Variants in AKAP8L observed in about 807,000 individuals in gnomAD.
The protein encoded by AKAP8L is A-kinase anchoring protein 8 like, also known as A-kinase anchor protein 8-like.
A neutral mutation model predicts 77.5 loss-of-function variants in AKAP8L; 34 were observed. The ratio of observed to expected loss-of-function variants is 0.44; its 90% CI spans 0.33 to 0.58. AKAP8L has a LOEUF of 0.58. Ranked by LOEUF, AKAP8L falls within the 20% of genes least tolerant of loss-of-function variation. The probability of loss-of-function intolerance (pLI) is 0.02; values close to 1 mark genes in which losing one functional copy is unlikely to be tolerated. For missense variants in AKAP8L, 806 were observed against 887.6 expected (o/e 0.91, Z 1.17); for synonymous variants, 342 against 340.7 (o/e 1.00, Z -0.04).
At position 15,380,284 on chromosome 19, in the gene AKAP8L, T is replaced by A; in HGVS notation, c.1779A>T (p.Pro593=). 6.6e-7 allele frequency: 1 copy of A among 1,525,700 alleles called. No individual in the cohort carries two copies. Among genetic ancestry groups the A allele is most frequent in the Non-Finnish European group, 8.7e-7 (1 of 1,143,416 alleles). The allele number at this position is 1,525,700 out of a possible 1,614,324, so 94.5% of individuals were successfully genotyped here. A position where few individuals can be genotyped will look rare whatever the true frequency, so the allele number is the denominator to read the frequency against. ...GCGACACGGCCCCGGGGGCTGGCTC[T>A]GGGGGCACGGGAGGCTGCGCCGGCA... ...EGVPAQPPVP[P]EPAPGAVSPP... Residue 593 remains proline, a synonymous_variant, in exon 14 of 14, where the codon CCA becomes CCT. Transcript: ENST00000397410.
rs1260140627 is a variant in AKAP8L at position 15,380,385 on chromosome 19, C to T, written c.1678G>A (p.Glu560Lys). 6.3e-7 allele frequency: 1 copy of T among 1,581,444 alleles called. No individual in the cohort carries two copies. Among genetic ancestry groups the T allele is most frequent in the Non-Finnish European group, 8.6e-7 (1 of 1,166,256 alleles). ...TDSPEEEKEQ[E>K]EAEGGALDEG... is the part of the protein sequence containing the mutation. ...TCCAGGGCACCGCCCTCAGCCTCCT[C>T]CTGCTCCTTCTCCTCCTCGGGGCTG... The change falls in exon 14 of 14, where the codon GAG becomes AAG. Residue 560 changes from glutamate (E) to lysine (K), a missense_variant. By Grantham distance (56) the Glu-to-Lys change is moderately conservative. This residue lies in a region of AKAP8L where 226 missense variants were observed against 193.5 expected (regional missense o/e 1.17). Coordinates refer to ENST00000397410, the MANE Select transcript of AKAP8L (RefSeq NM_014371.4).
chr19:15,397,063 GCTGGCAGAGGTTCCAA>G lies in AKAP8L; in HGVS notation c.1536+71_1536+86del, dbSNP rs1967790413. 3 of 1,566,592 alleles carry G rather than the reference GCTGGCAGAGGTTCCAA, an allele frequency of 1.9e-6. No individual in the cohort carries two copies. The highest frequency in any genetic ancestry group is 2.6e-6 in the Non-Finnish European group (3 of 1,147,892). ...CTGCCTCCACTGCAGTCCCTCACGG[GCTGGCAGAGGTTCCAA>G]CTGCACAACCTCCCCAGAGGCCTCA... On this transcript the variant is annotated intron_variant, in intron 12 of 13. Transcript: ENST00000397410. This position sits in a 1 kb window ranked among gnomAD's most constrained non-coding sequence, Gnocchi z 4.7.
At chr19:15,405,630 A>C (rs1031673571) in intron 2 of AKAP8L, among the ~76,000 whole-genome samples, 1 of 152,058 alleles carries the variant, frequency 6.6e-6, no homozygotes, top group Non-Finnish European at 1.5e-5. Context: ...TAGCTATTCT[A>C]AAGAAAATAG....
intron 2 of AKAP8L, among the ~76,000 whole-genome samples, chr19:15,410,225 G>A (rs1414630183): frequency 3.9e-5 from 6 of 152,174 alleles, no homozygotes; most frequent in African/African-American, 1.4e-4. Context: ...TTACAGGCAG[G>A]AGCCACCGCG....
At chr19:15,394,167 C>T (rs1003978602) in intron 12 of AKAP8L, among the ~76,000 whole-genome samples, 4 of 152,074 alleles carry the variant, frequency 2.6e-5, no homozygotes, top group African/African-American at 9.7e-5. Context: ...GTGAAAACAA[C>T]CCAAACACCC....
At chr19:15,384,750 C>A (rs1276469542) in intron 12 of AKAP8L, among the ~76,000 whole-genome samples, 2 of 152,338 alleles carry the variant, frequency 1.3e-5, no homozygotes, top group East Asian at 1.9e-4. Context: ...TGAATCCCAT[C>A]CCCTTACCAA....
At chr19:15,387,773 A>T (rs1341105813) in intron 12 of AKAP8L, among the ~76,000 whole-genome samples, 1 of 152,224 alleles carries the variant, frequency 6.6e-6, no homozygotes, top group Non-Finnish European at 1.5e-5. Context: ...AGCCTGGCCA[A>T]CATGGTGAAA....
In AKAP8L at chr19:15,397,333, C is replaced by G; in HGVS notation, c.1406-53G>C. ...TGGGCCCAGGTGCCTAAGATAGACCCAGGTGTTCGAGAAAAAAACCACACC... is the reference window on the plus strand; with the variant it reads ...TGGGCCCAGGTGCCTAAGATAGACCGAGGTGTTCGAGAAAAAAACCACACC... On this transcript the variant is annotated intron_variant, in intron 11 of 13. Transcript: ENST00000397410. The surrounding 1 kb of genome is among the most constrained non-coding windows in gnomAD (Gnocchi z 4.7). 6.2e-7 allele frequency: 1 copy of G among 1,603,312 alleles called. No homozygotes were observed. The highest frequency in any genetic ancestry group is 8.5e-7 in the Non-Finnish European group (1 of 1,172,614).
chr19:15,410,857 G>T (rs1462075483), intron 1 of AKAP8L, among the ~76,000 whole-genome samples: 1 of 152,172 alleles, frequency 6.6e-6, no homozygotes, highest in Non-Finnish European at 1.5e-5. Flanking sequence ...ACTCTGTCCG[G>T]GCTGCAACGC....
intron 2 of AKAP8L, among the ~76,000 whole-genome samples, chr19:15,405,529 C>CA (rs750339175): frequency 1.8e-3 from 246 of 137,950 alleles, no homozygotes; most frequent in Middle Eastern, 3.8e-3. Context: ...AACTCCATTT[C>CA]AAAAAAAAAA....
chr19:15,408,211 G>C (rs1019362706), intron 2 of AKAP8L, among the ~76,000 whole-genome samples: 20 of 152,118 alleles, frequency 1.3e-4, no homozygotes, highest in African/African-American at 4.8e-4. Context: ...CAAGAGTCCA[G>C]AAATAGACCC....
intron 12 of AKAP8L, among the ~76,000 whole-genome samples, chr19:15,385,904 T>A (rs1001914214): frequency 3.5e-5 from 5 of 143,370 alleles, no homozygotes; most frequent in Non-Finnish European, 6.0e-5. Flanking sequence ...CAGCCAACTT[T>A]CTTTCTTTTT....
At chr19:15,382,037 T>C (rs2366267) in intron 12 of AKAP8L, 108,552 of 152,096 alleles carry the variant, frequency 0.71, 39,626 homozygotes, top group East Asian at 0.99. Flanking sequence ...GTTGTCACTG[T>C]TGGGTATTTT....
chr19:15,380,241 G>A lies in AKAP8L; in HGVS notation c.1822C>T (p.Pro608Ser), dbSNP rs2145095861. 5 of 1,501,182 alleles carry A rather than the reference G, an allele frequency of 3.3e-6. No individual in the cohort carries two copies. Among genetic ancestry groups the A allele is most frequent in the Non-Finnish European group, 4.4e-6 (5 of 1,135,118 alleles). The allele number at this position is 1,501,182 out of a possible 1,614,324, so 93.0% of individuals were successfully genotyped here. ...ACGGCGCCCTCCTCCTCCTCCTCTG[G>A]GGGCGGCGGCGGTGGCGGCGACACG... ...GAVSPPPPPPPEEEEEGAVPL... is the reference protein window; with the variant it reads ...GAVSPPPPPPSEEEEEGAVPL... The change falls in exon 14 of 14, where the codon CCA (proline) becomes TCA (serine). Residue 608 changes from proline (P) to serine (S), a missense_variant. Around this residue, in one of 2 missense-constraint regions of AKAP8L, gnomAD observed 226 missense variants for 193.5 expected, o/e 1.17. Transcript: ENST00000397410.
intron 2 of AKAP8L, among the ~76,000 whole-genome samples, chr19:15,407,502 C>G (rs1968024085): frequency 6.6e-6 from 1 of 152,108 alleles, no homozygotes; most frequent in Admixed American, 6.6e-5. Flanking sequence ...TACAAAAGAG[C>G]TACTAGAATA....
chr19:15,396,392 A>C (rs1332431979), intron 12 of AKAP8L, among the ~76,000 whole-genome samples: 2 of 152,162 alleles, frequency 1.3e-5, no homozygotes, highest in African/African-American at 4.8e-5. Context: ...CAATCAAAAA[A>C]ACACCTACTC....
Position 15,399,219 on chromosome 19 carries a change from G to A in AKAP8L, c.1157+83C>T, listed in dbSNP as rs536762811. Reference sequence around the variant, plus strand: ...CTCCCAAGGGAGGCCAGAGGGCGGCGAGCTGGCAGAGCTATGGCCCTGCTC... The same window carrying A: ...CTCCCAAGGGAGGCCAGAGGGCGGCAAGCTGGCAGAGCTATGGCCCTGCTC... On this transcript the variant is annotated intron_variant, in intron 9 of 13. Coordinates refer to ENST00000397410, the MANE Select transcript of AKAP8L (RefSeq NM_014371.4). This position sits in a 1 kb window ranked among gnomAD's most constrained non-coding sequence, Gnocchi z 6.1. 72 of 1,289,062 alleles carry A rather than the reference G, an allele frequency of 5.6e-5. No homozygotes were observed. Among genetic ancestry groups the A allele is most frequent in the East Asian group, 4.0e-4 (17 of 42,854 alleles). 79.9% of individuals were successfully genotyped at this position (1,289,062 alleles called of 1,614,324 possible).
Position 15,403,241 on chromosome 19 carries a change from C to T in AKAP8L, c.362+234G>A. The T allele has an allele frequency of 1.8e-6, 1 of 555,768 alleles. No individual in the cohort carries two copies. The highest frequency in any genetic ancestry group is 2.0e-5 in the South Asian group (1 of 49,952). 34.4% of individuals were successfully genotyped at this position (555,768 alleles called of 1,614,324 possible). On this transcript the variant is annotated intron_variant, in intron 4 of 13. Coordinates refer to ENST00000397410, the MANE Select transcript of AKAP8L (RefSeq NM_014371.4). This position sits in a 1 kb window ranked among gnomAD's most constrained non-coding sequence, Gnocchi z 4.3. The stretch of plus-strand genomic sequence containing the variant: ...GTCTGCCCAGTCTGGGCTTGTTCCT[C>T]TCACCGCAAGCTGGGAAAGGCTGAC...
intron 12 of AKAP8L, among the ~76,000 whole-genome samples, chr19:15,389,615 CA>C (rs1436590573): frequency 6.6e-6 from 1 of 151,882 alleles, no homozygotes; most frequent in Non-Finnish European, 1.5e-5. Context: ...TACTAAAATA[CA>C]AAAAATTAGC....
Sources: gnomAD v4.1 joint callset for allele counts (sites outside exome capture counted in the v4.1 genomes callset) on GRCh38, gnomAD v4.1.1 for gene constraint, gnomAD v4.1.1 regional missense constraint, Gnocchi (gnomAD v3.1) non-coding constraint, MANE v1.5 for transcripts, NCBI Gene and HGNC (gene_info 2026-07-23, HGNC 2026-07-21) for gene names.